ADAMTSL1: variants seen among roughly 807,000 people sequenced by gnomAD.
The protein encoded by ADAMTSL1 is ADAMTS-like protein 1.
Under a neutral mutation model 201.8 loss-of-function variants are expected in ADAMTSL1, and 126 were observed. The observed-to-expected ratio is 0.62, with a 90% CI of 0.54 to 0.72. The LOEUF is 0.72. ADAMTSL1 is among the 30% of genes least tolerant of loss of function. The pLI is 0.00. For synonymous variants in ADAMTSL1, 1,121 were observed against 903.4 expected, an observed-to-expected ratio of 1.24 and a Z score of -4.32; for missense variants, 2,679 against 2,277.8, an observed-to-expected ratio of 1.18 and a Z score of -3.59.
chr9:18,692,991 A>G (rs575805962), intron 13 of ADAMTSL1, among the ~76,000 whole-genome samples: 10 of 152,328 alleles, frequency 6.6e-5, no homozygotes, highest in African/African-American at 2.4e-4. Flanking sequence ...GAAAGGAATA[A>G]TTTGGCTTTA....
intron 20 of ADAMTSL1, among the ~76,000 whole-genome samples, chr9:18,812,912 C>G (rs1823594145): frequency 6.6e-6 from 1 of 150,578 alleles, no homozygotes; most frequent in Admixed American, 6.6e-5. Context: ...GTTTGGGTTA[C>G]TGTAGCTTTA....
intron 1 of ADAMTSL1, among the ~76,000 whole-genome samples, chr9:18,074,493 TTTCTTTTCTTTTCTTTTC>T (rs776316714): frequency 0.14 from 14,280 of 104,586 alleles, 1,244 homozygotes; most frequent in African/African-American, 0.27. Flanking sequence ...TTTCTTTTCT[TTTCTTTTCTTTTCTTTTC>T]TTCTTTTCTT....
intron 1 of ADAMTSL1, among the ~76,000 whole-genome samples, chr9:18,060,936 A>T (rs1822422394): frequency 6.6e-6 from 1 of 152,210 alleles, no homozygotes; most frequent in African/African-American, 2.4e-5. Context: ...ACAGAAATTA[A>T]ACAGGTACTA....
chr9:18,648,981 G>A (rs1299410262), intron 7 of ADAMTSL1, among the ~76,000 whole-genome samples: 1 of 152,180 alleles, frequency 6.6e-6, no homozygotes, highest in Non-Finnish European at 1.5e-5. Flanking sequence ...CCTGCAGAGT[G>A]TTTTCCAACT....
At chr9:18,220,202 TATG>T (rs1282311882) in intron 2 of ADAMTSL1, among the ~76,000 whole-genome samples, 1 of 152,290 alleles carries the variant, frequency 6.6e-6, no homozygotes, top group East Asian at 1.9e-4. Flanking sequence ...TTGGTTTAGA[TATG>T]ATCCAGTTTT....
intron 2 of ADAMTSL1, among the ~76,000 whole-genome samples, chr9:18,340,925 C>G (rs1386131745): frequency 6.6e-6 from 1 of 152,088 alleles, no homozygotes; most frequent in Non-Finnish European, 1.5e-5. Context: ...TTACCTGTCT[C>G]TAAAATCTGT....
At chr9:18,244,417 C>T (rs1831182566) in intron 2 of ADAMTSL1, among the ~76,000 whole-genome samples, 1 of 152,070 alleles carries the variant, frequency 6.6e-6, no homozygotes, top group East Asian at 1.9e-4. Context: ...TGATATGATA[C>T]ATCCTAGCCC....
intron 1 of ADAMTSL1, among the ~76,000 whole-genome samples, chr9:17,934,643 T>A (rs1826929503): frequency 6.6e-6 from 1 of 152,154 alleles, no homozygotes; most frequent in South Asian, 2.1e-4. Flanking sequence ...TCATCAGACC[T>A]GCCGCATTTC....
chr9:18,515,881 C>T (rs576818149), intron 2 of ADAMTSL1, among the ~76,000 whole-genome samples: 6 of 152,092 alleles, frequency 3.9e-5, no homozygotes, highest in African/African-American at 1.4e-4. Context: ...ATTAATTAAG[C>T]CTACAAACAT....
At chr9:18,221,717 T>G (rs1385430288) in intron 2 of ADAMTSL1, among the ~76,000 whole-genome samples, 3 of 152,166 alleles carry the variant, frequency 2.0e-5, no homozygotes, top group Non-Finnish European at 2.9e-5. Flanking sequence ...ATATTTATCT[T>G]TTTGTTATTG....
intron 7 of ADAMTSL1, among the ~76,000 whole-genome samples, chr9:18,640,081 C>T (rs1031907332): frequency 1.3e-5 from 2 of 152,138 alleles, no homozygotes; most frequent in African/African-American, 2.4e-5. Context: ...AATTTTTCAT[C>T]ATGGGACCTG....
intron 1 of ADAMTSL1, among the ~76,000 whole-genome samples, chr9:18,130,686 A>T (rs1422868517): frequency 1.3e-5 from 2 of 152,194 alleles, no homozygotes; most frequent in African/African-American, 2.4e-5. Context: ...AGGAATACAA[A>T]CTACCAAATA....
Position 17,960,119 on chromosome 9 carries a change from A to G in ADAMTSL1, c.87+53197A>G, listed in dbSNP as rs556719398. On this transcript the variant is annotated intron_variant, in intron 1 of 29. Coordinates refer to the ADAMTSL1 transcript ENST00000680146. The stretch of plus-strand genomic sequence containing the variant: ...TCCTTCTTTCCTGTGTTTCCATTGT[A>G]CTATTTTCAACACACGGTTCCATGT... Among the ~76,000 whole-genome samples, 9 of 152,254 alleles carry G rather than the reference A, an allele frequency of 5.9e-5. No homozygotes were observed. The South Asian group carries it at 1.5e-3, about 25-fold the overall frequency.
intron 3 of ADAMTSL1, among the ~76,000 whole-genome samples, chr9:18,559,668 T>G (rs1821346847): frequency 6.6e-6 from 1 of 152,256 alleles, no homozygotes; most frequent in Non-Finnish European, 1.5e-5. Flanking sequence ...TTTGTTTGTG[T>G]CTTCTCTTAT....
chr9:18,494,456 T>C (rs1331044044), intron 1 of ADAMTSL1, among the ~76,000 whole-genome samples: 1 of 151,002 alleles, frequency 6.6e-6, no homozygotes, highest in Non-Finnish European at 1.5e-5. Context: ...GGAGCAGGAG[T>C]ACACAAGTCA....
chr9:18,712,354 AG>A (rs1832670557), intron 14 of ADAMTSL1, among the ~76,000 whole-genome samples: 3 of 152,206 alleles, frequency 2.0e-5, no homozygotes, highest in African/African-American at 4.8e-5. Context: ...CTTTGAAAAA[AG>A]ATTTAGAAGA....
At chr9:18,322,627 C>A (rs1257984428) in intron 2 of ADAMTSL1, among the ~76,000 whole-genome samples, 1 of 152,044 alleles carries the variant, frequency 6.6e-6, no homozygotes, top group African/African-American at 2.4e-5. Flanking sequence ...GAGAGCAAAA[C>A]CCTGTCTCAA....
intron 23 of ADAMTSL1, among the ~76,000 whole-genome samples, chr9:18,870,797 G>A (rs910092567): frequency 5.3e-5 from 8 of 151,954 alleles, no homozygotes; most frequent in African/African-American, 1.9e-4. Context: ...GTTTTTCTCG[G>A]GGTTTGTTTT....
chr9:18,498,194 G>A (rs762775716), intron 1 of ADAMTSL1, among the ~76,000 whole-genome samples: 3 of 151,944 alleles, frequency 2.0e-5, no homozygotes, highest in South Asian at 2.1e-4. Context: ...TGACATGAGC[G>A]TGTGTGCATT....
Sources: gnomAD v4.1 joint callset for allele counts (sites outside exome capture counted in the v4.1 genomes callset) on GRCh38, gnomAD v4.1.1 for gene constraint, MANE v1.5 for transcripts, NCBI Gene and HGNC (gene_info 2026-07-23, HGNC 2026-07-21) for gene names.